The following WASF1 variants were observed in gnomAD, a reference collection of about 807,000 sequenced individuals.
WASF1 encodes the protein WASP family member 1.
WASF1 carries 7 observed loss-of-function variants against 50.5 expected under a neutral mutation model. That is an observed-to-expected ratio of 0.14 (90% CI 0.08 to 0.26). The LOEUF (loss-of-function observed/expected upper bound fraction) is 0.26. Among genes scored for constraint, WASF1 ranks in the 10% least tolerant of loss-of-function variants. The pLI is 1.00. For synonymous variants in WASF1, 205 were observed against 244.0 expected (o/e 0.84, Z 1.49); for missense variants, 470 against 694.7 (o/e 0.68, Z 3.64).
At chr6:110,108,390 G>T in intron 6 of WASF1, 138 bp downstream of exon 6, 1 of 779,446 alleles carries the variant, frequency 1.3e-6, no homozygotes, top group African/African-American at 1.7e-5. Flanking sequence ...TAAAAGCAAA[G>T]GTTTTCCAAA....
At chr6:110,172,623 C>T (rs1446443456) in intron 2 of WASF1, among the ~76,000 whole-genome samples, 1 of 152,116 alleles carries the variant, frequency 6.6e-6, no homozygotes, top group Non-Finnish European at 1.5e-5. Flanking sequence ...GAAATAATCT[C>T]TTTTGCAGCA....
At chr6:110,178,940 G>T (rs1025431961) in intron 1 of WASF1, among the ~76,000 whole-genome samples, 198 bp from the exon 2 acceptor site, 5 of 152,220 alleles carry the variant, frequency 3.3e-5, no homozygotes, top group Admixed American at 2.0e-4. Flanking sequence ...ACGAAGAAAA[G>T]GATGCCCGCA....
At chr6:110,105,238 T>C (rs1448725802) in intron 8 of WASF1, among the ~76,000 whole-genome samples, 169 bp downstream of exon 8, 2 of 152,170 alleles carry the variant, frequency 1.3e-5, no homozygotes, top group Non-Finnish European at 1.5e-5. Context: ...AATGACCTGC[T>C]CAAGGCCTGA....
At chr6:110,163,057 T>C (rs1776324332) in intron 2 of WASF1, among the ~76,000 whole-genome samples, 1 of 151,570 alleles carries the variant, frequency 6.6e-6, no homozygotes, top group Non-Finnish European at 1.5e-5. Context: ...GATTAATATA[T>C]AAAAGTCAAC....
At chr6:110,168,037 T>C (rs187688976) in intron 2 of WASF1, among the ~76,000 whole-genome samples, 6 of 152,152 alleles carry the variant, frequency 3.9e-5, no homozygotes, top group South Asian at 2.1e-4. Context: ...TATGTTAATA[T>C]AGACTTTTTC....
intron 3 of WASF1, among the ~76,000 whole-genome samples, chr6:110,140,774 G>A (rs773637409): frequency 6.6e-6 from 1 of 152,116 alleles, no homozygotes; most frequent in Non-Finnish European, 1.5e-5. Flanking sequence ...TTCTTGTGAT[G>A]GTGTGAAATG....
At chr6:110,115,958 T>C (rs1342694057) in intron 4 of WASF1, among the ~76,000 whole-genome samples, 1 of 152,068 alleles carries the variant, frequency 6.6e-6, no homozygotes, top group Non-Finnish European at 1.5e-5. Flanking sequence ...CAAAACCCAA[T>C]TAGACAGCAC....
rs17071261 is a variant in WASF1, at chr6:110,106,875, T to C, written c.540+202A>G. Among the ~76,000 whole-genome samples, 50 of 152,336 alleles carry C rather than the reference T, an allele frequency of 3.3e-4. 3 individuals are homozygous for C. The East Asian group carries it at 3.5e-3, about 11-fold the overall frequency. Reference sequence around the variant, plus strand: ...TGCATACCTCTGCTATGGCACTTATTATGCCCTACTCTAATAATCTAATTG... The same window carrying C: ...TGCATACCTCTGCTATGGCACTTATCATGCCCTACTCTAATAATCTAATTG... On this transcript the variant is annotated intron_variant, in intron 7 of 10. Coordinates refer to ENST00000392589, the MANE Select transcript of WASF1 (RefSeq NM_003931.3).
intron 2 of WASF1, among the ~76,000 whole-genome samples, chr6:110,168,301 C>T (rs746637325): frequency 8.6e-5 from 13 of 151,894 alleles, no homozygotes; most frequent in Non-Finnish European, 1.3e-4. Context: ...TATAGCATTA[C>T]CAAAAAATTT....
chr6:110,164,718 A>G (rs1292155106), intron 2 of WASF1, among the ~76,000 whole-genome samples: 1 of 151,662 alleles, frequency 6.6e-6, no homozygotes, highest in Non-Finnish European at 1.5e-5. Context: ...AAAGAGGTGA[A>G]AACTTACACC....
chr6:110,166,197 G>A (rs1776471393), intron 2 of WASF1, among the ~76,000 whole-genome samples: 1 of 151,168 alleles, frequency 6.6e-6, no homozygotes, highest in South Asian at 2.1e-4. Context: ...TCTTGGATCA[G>A]GAAACCAGGG....
At chr6:110,104,087 C>T (rs563235045) in intron 8 of WASF1, among the ~76,000 whole-genome samples, 4 of 152,000 alleles carry the variant, frequency 2.6e-5, no homozygotes, top group Non-Finnish European at 5.9e-5. Flanking sequence ...TTGTTTCTGT[C>T]CTTCTGCTGT....
At chr6:110,179,395 A>G (rs2114640227) in intron 1 of WASF1, 44 bp downstream of exon 1, 1 of 151,638 alleles carries the variant, frequency 6.6e-6, no homozygotes, top group African/African-American at 2.4e-5. Flanking sequence ...CTCTCCCAAC[A>G]CCCCCTCCCC....
chr6:110,124,775 T>C (rs148435901), intron 4 of WASF1, among the ~76,000 whole-genome samples: 32 of 152,304 alleles, frequency 2.1e-4, no homozygotes, highest in African/African-American at 7.7e-4. Context: ...CCAGGCATGA[T>C]GGCACTCGCC....
In WASF1 at chr6:110,129,789, G is replaced by T. The variant is rs187454850; in HGVS notation, c.-28-2160C>A. Among the ~76,000 whole-genome samples, 14 of 152,282 alleles carry T rather than the reference G, an allele frequency of 9.2e-5. No individual in the cohort carries two copies. The East Asian group carries it at 2.7e-3, about 29-fold the overall frequency. ...ATTCCAATATCTTCAATGACATTGTGCTAAGTAAATACTTCTAAATTTCCC... is the reference window on the plus strand; with the variant it reads ...ATTCCAATATCTTCAATGACATTGTTCTAAGTAAATACTTCTAAATTTCCC... On this transcript the variant is annotated intron_variant, in intron 3 of 10. Transcript: ENST00000392589.
chr6:110,128,989 C>T (rs548355800), intron 3 of WASF1, among the ~76,000 whole-genome samples: 44 of 152,122 alleles, frequency 2.9e-4, no homozygotes, highest in African/African-American at 1.0e-3. Flanking sequence ...CCACTCCACA[C>T]ACCCCCACCC....
intron 5 of WASF1, among the ~76,000 whole-genome samples, chr6:110,112,060 C>T (rs1057057029): frequency 6.7e-6 from 1 of 148,846 alleles, no homozygotes; most frequent in South Asian, 2.2e-4. Flanking sequence ...ATTTGCCTCT[C>T]CTTATTTACA....
intron 2 of WASF1, among the ~76,000 whole-genome samples, chr6:110,163,570 T>A (rs993386442): frequency 2.0e-5 from 3 of 151,544 alleles, no homozygotes; most frequent in African/African-American, 7.3e-5. Context: ...TAGGATGTCA[T>A]CATATGAATT....
At chr6:110,116,715 G>A (rs1773828440) in intron 4 of WASF1, among the ~76,000 whole-genome samples, 1 of 152,232 alleles carries the variant, frequency 6.6e-6, no homozygotes, top group Non-Finnish European at 1.5e-5. Context: ...CGGACAGACT[G>A]CCTCCTCAAG....
Sources: gnomAD v4.1 joint callset for allele counts (sites outside exome capture counted in the v4.1 genomes callset) on GRCh38, gnomAD v4.1.1 for gene constraint, MANE v1.5 for transcripts, NCBI Gene and HGNC (gene_info 2026-07-23, HGNC 2026-07-21) for gene names.